The following NDRG3 variants were observed in gnomAD, a reference collection of about 807,000 sequenced individuals.
NDRG3 encodes the protein NDRG family member 3.
Under a neutral mutation model 57.2 loss-of-function variants are expected in NDRG3, and 23 were observed. That is an observed-to-expected ratio of 0.40 (90% CI 0.29 to 0.57). The LOEUF (loss-of-function observed/expected upper bound fraction) is 0.57. Among genes scored for constraint, NDRG3 ranks in the 20% least tolerant of loss-of-function variants. NDRG3 has a pLI of 0.42. For missense variants in NDRG3, 384 were observed against 457.3 expected (o/e 0.84, Z 1.46); for synonymous variants, 132 against 162.6 (o/e 0.81, Z 1.43).
intron 5 of NDRG3, among the ~76,000 whole-genome samples, chr20:36,685,277 A>T (rs1472100674): frequency 1.3e-5 from 2 of 151,666 alleles, no homozygotes; most frequent in Non-Finnish European, 2.9e-5. Context: ...AGAATAACAT[A>T]GTTATTTTTA....
intron 8 of NDRG3, among the ~76,000 whole-genome samples, chr20:36,671,665 G>A (rs1252887996): frequency 6.6e-6 from 1 of 152,016 alleles, no homozygotes; most frequent in Non-Finnish European, 1.5e-5. Context: ...AGCCAGGTGT[G>A]GTGGCAGGTA....
intron 1 of NDRG3, among the ~76,000 whole-genome samples, chr20:36,728,975 G>A (rs1485162072): frequency 6.6e-6 from 1 of 152,088 alleles, no homozygotes; most frequent in Non-Finnish European, 1.5e-5. Context: ...GCCGACCTCA[G>A]CCTCCCAAAG....
intron 8 of NDRG3, among the ~76,000 whole-genome samples, chr20:36,679,970 A>G (rs1981110974): frequency 6.6e-6 from 1 of 150,636 alleles, no homozygotes. Flanking sequence ...GATTACAGGC[A>G]TGCACCACCA....
intron 4 of NDRG3, among the ~76,000 whole-genome samples, chr20:36,688,352 A>G (rs903446543): frequency 1.3e-5 from 2 of 151,836 alleles, no homozygotes; most frequent in African/African-American, 4.9e-5. Flanking sequence ...CCAACTCTGA[A>G]TTTTCTAACC....
intron 5 of NDRG3, among the ~76,000 whole-genome samples, chr20:36,685,044 G>C (rs1056589427): frequency 2.6e-5 from 4 of 152,058 alleles, no homozygotes; most frequent in Non-Finnish European, 5.9e-5. Flanking sequence ...CACATGAAAA[G>C]AACTAGTAAC....
intron 3 of NDRG3, among the ~76,000 whole-genome samples, chr20:36,698,867 A>G (rs1268456761): frequency 1.3e-5 from 2 of 152,188 alleles, no homozygotes; most frequent in Non-Finnish European, 2.9e-5. Context: ...TATTAAAAAT[A>G]TACCACTTAT....
intron 8 of NDRG3, among the ~76,000 whole-genome samples, chr20:36,677,236 GAAGGGCCCCTCCAA>G (rs1309605655): frequency 2.0e-5 from 3 of 152,222 alleles, no homozygotes; most frequent in Non-Finnish European, 4.4e-5. Flanking sequence ...GGCGCCCCAG[GAAGGGCCCCTCCAA>G]GCCCCGGGGC....
chr20:36,653,787 A>G lies in NDRG3; in HGVS notation c.947-86T>C. 2 of 1,271,570 alleles carry G rather than the reference A, an allele frequency of 1.6e-6. No homozygotes were observed. The highest frequency in any genetic ancestry group is 2.2e-6 in the Non-Finnish European group (2 of 916,032). The allele number at this position is 1,271,570 out of a possible 1,614,324, so 78.8% of individuals were successfully genotyped here. The stretch of plus-strand genomic sequence containing the variant: ...GAGTCTCATCAAAGTCTTTATGTTT[A>G]GCTTTTCCGACTCATTTACCATGAC... On this transcript the variant is annotated intron_variant, in intron 15 of 15. Coordinates refer to ENST00000349004, the MANE Select transcript of NDRG3 (RefSeq NM_032013.4). The surrounding 1 kb of genome is among the most constrained non-coding windows in gnomAD (Gnocchi z 4.2).
At chr20:36,654,964 C>T (rs1978529820) in intron 15 of NDRG3, 10 of 705,426 alleles carry the variant, frequency 1.4e-5, no homozygotes, top group Non-Finnish European at 1.3e-5. Context: ...ATTTTAAGGT[C>T]CCAGAGAGGA....
chr20:36,659,241 A>G (rs891983647), intron 13 of NDRG3, among the ~76,000 whole-genome samples: 2 of 151,898 alleles, frequency 1.3e-5, no homozygotes, highest in East Asian at 3.9e-4. Context: ...CACCCAGCCA[A>G]AGTTTTTAGT....
intron 2 of NDRG3, among the ~76,000 whole-genome samples, chr20:36,713,792 G>A (rs1984060957): frequency 6.6e-6 from 1 of 152,150 alleles, no homozygotes; most frequent in Non-Finnish European, 1.5e-5. Context: ...ATTTGAGGAA[G>A]AAACGAATAC....
chr20:36,703,460 A>ATC (rs1983370103), intron 3 of NDRG3, among the ~76,000 whole-genome samples: 1 of 142,928 alleles, frequency 7.0e-6, no homozygotes, highest in African/African-American at 2.6e-5. Context: ...CTATCTATCT[A>ATC]TATGTGTGTG....
chr20:36,655,874 G>A (rs917646555), intron 15 of NDRG3, among the ~76,000 whole-genome samples: 13 of 152,228 alleles, frequency 8.5e-5, no homozygotes, highest in South Asian at 2.1e-4. Flanking sequence ...GGTAGCTCAC[G>A]CATGTAATCC....
At chr20:36,686,591 C>T (rs972793939) in intron 5 of NDRG3, among the ~76,000 whole-genome samples, 70 of 152,180 alleles carry the variant, frequency 4.6e-4, no homozygotes, top group Admixed American at 1.4e-3. Context: ...CTCCTAAGGT[C>T]TTCTCAATAA....
chr20:36,676,938 C>A (rs1980778929), intron 8 of NDRG3, among the ~76,000 whole-genome samples: 1 of 152,244 alleles, frequency 6.6e-6, no homozygotes, highest in Non-Finnish European at 1.5e-5. Flanking sequence ...CAAGCAGGAT[C>A]CCCGCCCTCC....
At chr20:36,718,199 A>G (rs1231713521) in intron 2 of NDRG3, among the ~76,000 whole-genome samples, 1 of 152,224 alleles carries the variant, frequency 6.6e-6, no homozygotes, top group African/African-American at 2.4e-5. Context: ...CAAAGACAGA[A>G]GCATTCACAT....
At chr20:36,730,409 C>T (rs1397156595) in intron 1 of NDRG3, among the ~76,000 whole-genome samples, 1 of 151,892 alleles carries the variant, frequency 6.6e-6, no homozygotes, top group Non-Finnish European at 1.5e-5. Context: ...ACATATACCA[C>T]TATGCCTGGC....
intron 12 of NDRG3, among the ~76,000 whole-genome samples, chr20:36,661,184 A>T (rs1979172757): frequency 6.6e-6 from 1 of 152,032 alleles, no homozygotes; most frequent in Non-Finnish European, 1.5e-5. Context: ...ACTCTTTTCT[A>T]TCTCAAGGTC....
chr20:36,702,523 TTTTG>T (rs952535303), intron 3 of NDRG3, among the ~76,000 whole-genome samples: 11 of 152,034 alleles, frequency 7.2e-5, no homozygotes, highest in Non-Finnish European at 1.3e-4. Flanking sequence ...TATACAAGAT[TTTTG>T]TTTGTTTGTT....
Sources: allele counts gnomAD v4.1 joint callset (sites outside exome capture counted in the v4.1 genomes callset), GRCh38; gene constraint gnomAD v4.1.1; non-coding constraint Gnocchi (gnomAD v3.1); transcripts MANE v1.5; gene names NCBI Gene and HGNC (gene_info 2026-07-23, HGNC 2026-07-21).